Variants in MAGI2 observed in about 807,000 individuals in gnomAD.
MAGI2 encodes the protein membrane-associated guanylate kinase, WW and PDZ domain-containing protein 2.
Under a neutral mutation model 133.3 loss-of-function variants are expected in MAGI2, and 35 were observed. That is an observed-to-expected ratio of 0.26 (90% CI 0.20 to 0.35). MAGI2 has a LOEUF of 0.35. Ranked by LOEUF, MAGI2 falls within the 10% of genes least tolerant of loss-of-function variation. The pLI is 1.00. For synonymous variants in MAGI2, 729 were observed against 710.6 expected (o/e 1.03, Z -0.41); for missense variants, 1,636 against 1,863.4 (o/e 0.88, Z 2.25).
intron 21 of MAGI2, among the ~76,000 whole-genome samples, chr7:78,028,255 G>GTTTCACT (rs1316114452): frequency 6.6e-5 from 10 of 152,126 alleles, no homozygotes; most frequent in Non-Finnish European, 1.5e-5. Context: ...ACATGTATTT[G>GTTTCACT]TTTCACTTAT....
intron 2 of MAGI2, among the ~76,000 whole-genome samples, chr7:78,678,819 G>A (rs1585060253): frequency 2.0e-5 from 3 of 151,990 alleles, no homozygotes; most frequent in African/African-American, 7.2e-5. Flanking sequence ...AAAATGGCAG[G>A]GGTGTTTTCA....
At position 78,647,194 on chromosome 7, in the gene MAGI2, GAGTGAACAGGCA is replaced by G. The variant is rs550261773; in HGVS notation, c.419-19967_419-19956del. 1.9e-4 allele frequency among the ~76,000 whole-genome samples: 29 copies of G among 152,282 alleles called. No individual in the cohort carries two copies. In the East Asian group the frequency reaches 5.2e-3, roughly 27 times the overall value. ...CTTCTGCACAGCAGAACTATTATCA[GAGTGAACAGGCA>G]AGTGAACCTACAGAATGGGAGAAAA... On this transcript the variant is annotated intron_variant, in intron 2 of 21. Transcript: ENST00000354212.
In MAGI2 at chr7:78,928,680, G is replaced by A. The variant is rs183701716; in HGVS notation, c.418+78410C>T. Among the ~76,000 whole-genome samples, 208 of 152,148 alleles carry A rather than the reference G, an allele frequency of 1.4e-3. 1 individual carries two copies. Among genetic ancestry groups the A allele is most frequent in the African/African-American group, 4.7e-3 (196 of 41,550 alleles). On this transcript the variant is annotated intron_variant, in intron 2 of 21. Coordinates refer to ENST00000354212, the MANE Select transcript of MAGI2 (RefSeq NM_012301.4). ...TGATTAAACCTAAAATGGGTATGAT[G>A]CTTCTGCTTTGAAGATTACATATGA...
intron 6 of MAGI2, among the ~76,000 whole-genome samples, chr7:78,488,663 T>G (rs1793303808): frequency 6.6e-6 from 1 of 152,008 alleles, no homozygotes; most frequent in Non-Finnish European, 1.5e-5. Context: ...GGTACAGATA[T>G]GGCTATGAAT....
At chr7:78,421,350 T>C (rs1041543522) in intron 6 of MAGI2, among the ~76,000 whole-genome samples, 3 of 152,330 alleles carry the variant, frequency 2.0e-5, no homozygotes, top group African/African-American at 4.8e-5. Flanking sequence ...ATGGCCTTGT[T>C]GAGTTCTCTG....
At chr7:78,937,836 A>C (rs949136899) in intron 2 of MAGI2, among the ~76,000 whole-genome samples, 1 of 152,148 alleles carries the variant, frequency 6.6e-6, no homozygotes, top group Admixed American at 6.6e-5. Context: ...AGCTAGTAAA[A>C]GGATTAACCT....
chr7:78,448,916 G>A (rs150568731), intron 6 of MAGI2, among the ~76,000 whole-genome samples: 49 of 152,074 alleles, frequency 3.2e-4, no homozygotes, highest in African/African-American at 1.2e-3. Flanking sequence ...GTAACACACA[G>A]TGTCTCGTAG....
At chr7:78,990,791 A>T (rs981212156) in intron 2 of MAGI2, among the ~76,000 whole-genome samples, 5 of 152,010 alleles carry the variant, frequency 3.3e-5, no homozygotes, top group African/African-American at 1.2e-4. Flanking sequence ...TCTATCATTT[A>T]CCACCTATAT....
chr7:78,530,279 C>G (rs1797352834), intron 3 of MAGI2, among the ~76,000 whole-genome samples: 2 of 152,178 alleles, frequency 1.3e-5, no homozygotes, highest in Admixed American at 1.3e-4. Flanking sequence ...CATTGAGCAC[C>G]TGTAAAATGT....
intron 2 of MAGI2, among the ~76,000 whole-genome samples, chr7:78,630,244 CTTTT>C (rs964436203): frequency 2.0e-5 from 3 of 151,272 alleles, no homozygotes; most frequent in African/African-American, 7.3e-5. Flanking sequence ...GAGTTTAACT[CTTTT>C]TTTTGTCTAT....
At chr7:79,321,552 CAG>C (rs1839187464) in intron 1 of MAGI2, among the ~76,000 whole-genome samples, 1 of 152,158 alleles carries the variant, frequency 6.6e-6, no homozygotes. Flanking sequence ...GCTTCCATAA[CAG>C]AACACCTTAT....
intron 10 of MAGI2, among the ~76,000 whole-genome samples, chr7:78,241,761 T>G (rs1584525381): frequency 6.6e-6 from 1 of 151,854 alleles, no homozygotes. Context: ...GGTGAAACCC[T>G]GTCTCTACTA....
intron 2 of MAGI2, among the ~76,000 whole-genome samples, chr7:78,760,636 G>A (rs1824415279): frequency 6.6e-6 from 1 of 152,118 alleles, no homozygotes. Context: ...ATCTTATGGA[G>A]AAGTGGCCTA....
chr7:78,733,504 T>C (rs1821564496), intron 2 of MAGI2, among the ~76,000 whole-genome samples: 1 of 152,226 alleles, frequency 6.6e-6, no homozygotes. Flanking sequence ...GCAAAAATAT[T>C]GTAATAGAAT....
intron 1 of MAGI2, among the ~76,000 whole-genome samples, chr7:79,444,915 T>C (rs1443968681): frequency 5.3e-5 from 8 of 152,276 alleles, no homozygotes; most frequent in Non-Finnish European, 8.8e-5. Context: ...CTTCAAACTA[T>C]ATTACAAGGC....
chr7:78,264,058 T>C (rs1217032937), intron 9 of MAGI2, among the ~76,000 whole-genome samples: 5 of 152,180 alleles, frequency 3.3e-5, no homozygotes, highest in Non-Finnish European at 7.3e-5. Context: ...AATTACTTCT[T>C]CCTGTGTGTT....
chr7:78,425,703 T>G (rs1280095960), intron 6 of MAGI2, among the ~76,000 whole-genome samples: 2 of 152,130 alleles, frequency 1.3e-5, no homozygotes, highest in East Asian at 3.9e-4. Flanking sequence ...TGGAGAAACC[T>G]CACAAACTTT....
intron 2 of MAGI2, among the ~76,000 whole-genome samples, chr7:78,681,111 G>T (rs1317577610): frequency 6.6e-6 from 1 of 152,032 alleles, no homozygotes; most frequent in Non-Finnish European, 1.5e-5. Flanking sequence ...CCCCCGACAA[G>T]ATGCTAATAG....
chr7:79,452,896 C>T, intron 1 of MAGI2, 124 bp downstream of exon 1: 1 of 1,094,910 alleles, frequency 9.1e-7, no homozygotes, highest in East Asian at 2.5e-5. Flanking sequence ...TGCGGGTGCT[C>T]TCTGGCCCCC....
Sources: gnomAD v4.1 joint callset for allele counts (sites outside exome capture counted in the v4.1 genomes callset) on GRCh38, gnomAD v4.1.1 for gene constraint, MANE v1.5 for transcripts, NCBI Gene and HGNC (gene_info 2026-07-23, HGNC 2026-07-21) for gene names.